Variants in HMCN2 observed in about 807,000 individuals in gnomAD.
HMCN2 encodes the protein hemicentin-2.
HMCN2 carries 325 observed loss-of-function variants against 377.5 expected under a neutral mutation model. The ratio of observed to expected loss-of-function variants is 0.86; its 90% CI spans 0.79 to 0.94. The LOEUF (loss-of-function observed/expected upper bound fraction) is 0.94, where lower values mean the gene tolerates loss of function less well. Ranked by LOEUF, HMCN2 falls within the 40% of genes least tolerant of loss-of-function variation. The probability of loss-of-function intolerance (pLI) is 0.00; values close to 1 mark genes in which losing one functional copy is unlikely to be tolerated. For synonymous variants in HMCN2, 2,007 were observed against 2,046.8 expected (o/e 0.98, Z 0.53); for missense variants, 4,543 against 4,725.3 (o/e 0.96, Z 1.13).
At chr9:130,388,585 C>A (rs1297396848) in intron 62 of HMCN2, 45 bp downstream of exon 62, 2 of 986,604 alleles carry the variant, frequency 2.0e-6, no homozygotes, top group African/African-American at 3.5e-5. Context: ...GCATTCCTTT[C>A]TTTAATAAGA....
At chr9:130,312,605 T>TTTCTTTCC (rs1217743066) in intron 15 of HMCN2, among the ~76,000 whole-genome samples, 6 of 120,008 alleles carry the variant, frequency 5.0e-5, no homozygotes, top group African/African-American at 1.6e-4. Flanking sequence ...TCTTTCTTTC[T>TTTCTTTCC]TTCTTTCTTT....
At chr9:130,289,622 G>A (rs560421563) in intron 4 of HMCN2, among the ~76,000 whole-genome samples, 1 of 152,250 alleles carries the variant, frequency 6.6e-6, no homozygotes, top group African/African-American at 2.4e-5. Context: ...GCCAGGGAGA[G>A]AGGAAGCCCT....
At chr9:130,420,081 T>G (rs1341707796) in intron 86 of HMCN2, among the ~76,000 whole-genome samples, 1 of 144,628 alleles carries the variant, frequency 6.9e-6, no homozygotes, top group Non-Finnish European at 1.5e-5. Flanking sequence ...TTTTTTTTTT[T>G]TTTTTTTTGA....
At chr9:130,401,962 A>G (rs1042107636) in intron 77 of HMCN2, among the ~76,000 whole-genome samples, 2 of 152,180 alleles carry the variant, frequency 1.3e-5, no homozygotes, top group Non-Finnish European at 2.9e-5. Context: ...CTGTGGTCCC[A>G]GCTGCTTGGG....
At position 130,348,660 on chromosome 9, in the gene HMCN2, G is replaced by C; in HGVS notation, c.4140G>C (p.Leu1380=). ...TTCCAGTCCCTGAGATCGTGTGGCT[G>C]AAGGACGCGCAGCTGGTGGGTGTCC... The part of the protein sequence containing the change: ...NGFPVPEIVW[L]KDAQLIPKVG... Residue 1380 remains leucine, a synonymous_variant, in exon 27 of 98, where the codon CTG becomes CTC. Transcript: ENST00000683500. 7.7e-7 allele frequency: 1 copy of C among 1,296,936 alleles called. No individual in the cohort carries two copies. Among genetic ancestry groups the C allele is most frequent in the Non-Finnish European group, 1.0e-6 (1 of 986,222 alleles). 80.3% of individuals were successfully genotyped at this position (1,296,936 alleles called of 1,614,324 possible).
intron 1 of HMCN2, among the ~76,000 whole-genome samples, chr9:130,277,271 G>T (rs1834746252): frequency 6.6e-6 from 1 of 152,240 alleles, no homozygotes; most frequent in Non-Finnish European, 1.5e-5. Flanking sequence ...AAGGTCACGG[G>T]TTTAATCATC....
At chr9:130,355,408 T>C (rs1839973371) in intron 32 of HMCN2, among the ~76,000 whole-genome samples, 1 of 152,182 alleles carries the variant, frequency 6.6e-6, no homozygotes, top group Non-Finnish European at 1.5e-5. Flanking sequence ...CTTCGCCTGC[T>C]CTTCCATCCA....
chr9:130,346,498 G>A (rs1217925915), intron 25 of HMCN2, among the ~76,000 whole-genome samples: 2 of 152,028 alleles, frequency 1.3e-5, no homozygotes, highest in Non-Finnish European at 2.9e-5. Context: ...TGGCACTCAC[G>A]GTGGGGCTGG....
At chr9:130,307,267 TC>T (rs1477900168) in intron 13 of HMCN2, among the ~76,000 whole-genome samples, 185 bp from the exon 14 acceptor site, 24 of 151,760 alleles carry the variant, frequency 1.6e-4, no homozygotes, top group African/African-American at 5.8e-4. Flanking sequence ...TGCCTTAGGG[TC>T]ACTATGGGAA....
At chr9:130,293,363 G>T (rs1451475008) in intron 4 of HMCN2, among the ~76,000 whole-genome samples, 2 of 137,592 alleles carry the variant, frequency 1.5e-5, no homozygotes, top group African/African-American at 5.4e-5. Flanking sequence ...GAATTCACTT[G>T]GAGATGTTCT....
chr9:130,411,321 G>A (rs943911715), intron 85 of HMCN2, among the ~76,000 whole-genome samples: 14 of 152,062 alleles, frequency 9.2e-5, no homozygotes, highest in Admixed American at 3.3e-4. Context: ...AAATTCTAGG[G>A]CTGGGCTCGG....
intron 54 of HMCN2, among the ~76,000 whole-genome samples, chr9:130,379,944 T>C (rs568900849): frequency 1.3e-5 from 2 of 152,310 alleles, no homozygotes; most frequent in Non-Finnish European, 2.9e-5. Flanking sequence ...GGTGCAACCT[T>C]GGCTCACTGC....
At chr9:130,427,724 C>A in intron 92 of HMCN2, 105 bp downstream of exon 92, 1 of 1,333,248 alleles carries the variant, frequency 7.5e-7, no homozygotes, top group Non-Finnish European at 1.0e-6. Context: ...CACAGACCTG[C>A]AGGGATGGCC....
chr9:130,268,056 G>A (rs1330100031), intron 1 of HMCN2, among the ~76,000 whole-genome samples: 2 of 152,216 alleles, frequency 1.3e-5, no homozygotes, highest in Non-Finnish European at 1.5e-5. Context: ...CCAGGGTGGC[G>A]TCATTCCTGA....
chr9:130,430,790 G>GC (rs1343715555), intron 95 of HMCN2, 186 bp downstream of exon 95: 2 of 605,342 alleles, frequency 3.3e-6, no homozygotes, highest in African/African-American at 3.7e-5. Context: ...GTGCTATTGG[G>GC]CAGGGGGCTT....
At chr9:130,278,369 C>T (rs1264123299) in intron 1 of HMCN2, among the ~76,000 whole-genome samples, 1 of 152,054 alleles carries the variant, frequency 6.6e-6, no homozygotes, top group African/African-American at 2.4e-5. Context: ...CGTGATCCGC[C>T]CGTCTCGGCC....
intron 3 of HMCN2, 87 bp downstream of exon 3, chr9:130,285,403 C>T (rs1835368030): frequency 2.3e-6 from 1 of 436,162 alleles, no homozygotes; most frequent in African/African-American, 2.0e-5. Context: ...TGAGCCACCT[C>T]CTGGAGAGCA....
chr9:130,427,148 C>T (rs1260134549), intron 90 of HMCN2, among the ~76,000 whole-genome samples, 165 bp from the exon 91 acceptor site: 1 of 152,236 alleles, frequency 6.6e-6, no homozygotes, highest in East Asian at 1.9e-4. Context: ...CAGTCATCGC[C>T]TCCAACAGGC....
In HMCN2 at chr9:130,393,418, G is replaced by A. The variant is rs1275439460; in HGVS notation, c.10234+109G>A. 5 of 659,902 alleles carry A rather than the reference G, an allele frequency of 7.6e-6. No individual in the cohort carries two copies. Among genetic ancestry groups the A allele is most frequent in the South Asian group, 6.0e-5 (1 of 16,590 alleles). The allele number at this position is 659,902 out of a possible 1,614,324, so 40.9% of individuals were successfully genotyped here. On this transcript the variant is annotated intron_variant, in intron 67 of 97. Coordinates refer to ENST00000683500, the MANE Select transcript of HMCN2 (RefSeq NM_001291815.2). This position sits in a 1 kb window ranked among gnomAD's most constrained non-coding sequence, Gnocchi z 5.2. ...GGAACCAAGGATGGGCCCTGGGGGC[G>A]TCGAGGAGAGCGGACACTGCGGCTC...
Sources: allele counts gnomAD v4.1 joint callset (sites outside exome capture counted in the v4.1 genomes callset), GRCh38; gene constraint gnomAD v4.1.1; non-coding constraint Gnocchi (gnomAD v3.1); transcripts MANE v1.5; gene names NCBI Gene and HGNC (gene_info 2026-07-23, HGNC 2026-07-21).